Variants in SPSB4 observed in about 807,000 individuals in gnomAD.
SPSB4 encodes SPRY domain-containing SOCS box protein 4.
SPSB4 carries 21 observed loss-of-function variants against 20.9 expected under a neutral mutation model. The ratio of observed to expected loss-of-function variants is 1.01; its 90% CI spans 0.71 to 1.45. The LOEUF (loss-of-function observed/expected upper bound fraction) is 1.45, where lower values mean the gene tolerates loss of function less well. Ranked by LOEUF, SPSB4 falls within the 40% of genes most tolerant of loss-of-function variation. SPSB4 has a pLI of 0.00. For synonymous variants in SPSB4, 207 were observed against 183.8 expected (o/e 1.13, Z -1.02); for missense variants, 399 against 399.2 (o/e 1.00, Z 0.00).
chr3:141,148,508 A>C lies in SPSB4; in HGVS notation c.*1239A>C, dbSNP rs1052929920. On this transcript the variant is annotated 3_prime_UTR_variant, in exon 3 of 3. Coordinates refer to ENST00000310546, the MANE Select transcript of SPSB4 (RefSeq NM_080862.3). This position sits in a 1 kb window ranked among gnomAD's most constrained non-coding sequence, Gnocchi z 4.5. The stretch of plus-strand genomic sequence containing the variant: ...CACAGCAGTGGGATATCAGAGCCCC[A>C]GACAGCACTGCCTCTTCCTCCCCAC... 9.8e-5 allele frequency: 15 copies of C among 152,726 alleles called. No individual in the cohort carries two copies. The highest frequency in any genetic ancestry group is 3.6e-4 in the African/African-American group (15 of 41,456). The allele number at this position is 152,726 out of a possible 1,614,324, so 9.5% of individuals were successfully genotyped here. A position where few individuals can be genotyped will look rare whatever the true frequency, so the allele number is the denominator to read the frequency against.
chr3:141,073,631 T>TAGC (rs1938048483), intron 2 of SPSB4, among the ~76,000 whole-genome samples: 1 of 152,216 alleles, frequency 6.6e-6, no homozygotes, highest in African/African-American at 2.4e-5. Context: ...AACCACCCTA[T>TAGC]AGCAGCCCTT....
At chr3:141,072,870 T>A (rs1349246236) in intron 2 of SPSB4, among the ~76,000 whole-genome samples, 1 of 152,176 alleles carries the variant, frequency 6.6e-6, no homozygotes, top group African/African-American at 2.4e-5. Context: ...CCAGAGACAT[T>A]TGTGACAGAT....
At chr3:141,132,591 G>A (rs1271252963) in intron 2 of SPSB4, among the ~76,000 whole-genome samples, 2 of 151,954 alleles carry the variant, frequency 1.3e-5, no homozygotes, top group African/African-American at 4.8e-5. Flanking sequence ...CTTCATCCAG[G>A]TTGCTGTGAA....
chr3:141,098,253 GT>G lies in SPSB4; in HGVS notation c.694+31458del, dbSNP rs145045080. Among the ~76,000 whole-genome samples the G allele has an allele frequency of 1.2e-3, 178 of 152,124 alleles. 3 individuals are homozygous for G. The highest frequency in any genetic ancestry group is 4.2e-3 in the African/African-American group (174 of 41,502). The stretch of plus-strand genomic sequence containing the variant: ...ACTCCTCTTTGTTTTAGATGTTTCT[GT>G]TTCGTCTTTTGTGTTTGTTTTTTTG... On this transcript the variant is annotated intron_variant, in intron 2 of 2. Coordinates refer to ENST00000310546, the MANE Select transcript of SPSB4 (RefSeq NM_080862.3).
chr3:141,103,830 CT>C (rs398062861), intron 2 of SPSB4, among the ~76,000 whole-genome samples: 2,691 of 143,938 alleles, frequency 0.019, 61 homozygotes, highest in African/African-American at 0.056. Flanking sequence ...CAAAAATGAC[CT>C]TTTTTTTTTT....
rs60396514 is a variant in SPSB4 at position 141,112,644 on chromosome 3, C to CAAAAAAAAAA, written c.695-34482_695-34473dup. Among the ~76,000 whole-genome samples the CAAAAAAAAAA allele has an allele frequency of 3.0e-3, 98 of 32,870 alleles. 4 individuals carry two copies. The highest frequency in any genetic ancestry group is 8.7e-3 in the African/African-American group (75 of 8,660). 21.6% of individuals were successfully genotyped at this position (32,870 alleles called of 152,430 possible). Reference sequence around the variant, plus strand: ...TGGGCGACAGAGCGAGACTCCGTCTCAAAAAAAAAAAAAAAAAAAAAAAAA... The same window carrying CAAAAAAAAAA: ...TGGGCGACAGAGCGAGACTCCGTCTCAAAAAAAAAAAAAAAAAAAAAAAAAAAAAAAAAAA... On this transcript the variant is annotated intron_variant, in intron 2 of 2. Transcript: ENST00000310546.
intron 2 of SPSB4, among the ~76,000 whole-genome samples, chr3:141,122,784 C>G (rs1000235492): frequency 1.3e-5 from 2 of 152,236 alleles, no homozygotes; most frequent in African/African-American, 4.8e-5. Context: ...CTGCCTGTTG[C>G]AAAGACTGTG....
chr3:141,051,583 G>C lies in SPSB4; in HGVS notation c.-563G>C, dbSNP rs1481701558. 1 of 147,072 alleles carries C rather than the reference G, an allele frequency of 6.8e-6. No individual in the cohort carries two copies. The highest frequency in any genetic ancestry group is 2.5e-5 in the African/African-American group (1 of 40,384). 9.1% of individuals were successfully genotyped at this position (147,072 alleles called of 1,614,324 possible). Reference sequence around the variant, plus strand: ...GCTCAGGGCGCTGGGGAAGACGCCCGGCGCGCCGGGGGCCAGCGGCCGAGG... The same window carrying C: ...GCTCAGGGCGCTGGGGAAGACGCCCCGCGCGCCGGGGGCCAGCGGCCGAGG... On this transcript the variant is annotated 5_prime_UTR_variant, in exon 1 of 3. Transcript: ENST00000310546.
Position 141,066,597 on chromosome 3 carries a change from C to G in SPSB4, c.493C>G (p.Leu165Val). 1 of 1,578,360 alleles carries G rather than the reference C, an allele frequency of 6.3e-7. No individual in the cohort carries two copies. The highest frequency in any genetic ancestry group is 8.6e-7 in the Non-Finnish European group (1 of 1,162,546). ...GCCCGGCGTGGCCTACCCGGCCTTT[C>G]TGGGGCCCGACGAGGCCTTTGCGCT... ...NQPGVAYPAF[L>V]GPDEAFALPD... The change falls in exon 2 of 3, where the codon CTG becomes GTG. Residue 165 changes from leucine (L) to valine (V), a missense_variant. Coordinates refer to ENST00000310546, the MANE Select transcript of SPSB4 (RefSeq NM_080862.3).
intron 2 of SPSB4, among the ~76,000 whole-genome samples, chr3:141,069,689 G>A (rs1485799352): frequency 6.6e-6 from 1 of 152,136 alleles, no homozygotes; most frequent in Non-Finnish European, 1.5e-5. Flanking sequence ...TCCTCTTTCT[G>A]AACTTCAGTG....
intron 1 of SPSB4, among the ~76,000 whole-genome samples, chr3:141,053,157 A>G (rs2107772587): frequency 6.6e-6 from 1 of 151,854 alleles, no homozygotes; most frequent in East Asian, 2.0e-4. Flanking sequence ...GGGGATGAAG[A>G]TAGGAGTTCC....
At chr3:141,117,791 A>G (rs1256713112) in intron 2 of SPSB4, among the ~76,000 whole-genome samples, 4 of 152,214 alleles carry the variant, frequency 2.6e-5, no homozygotes, top group Admixed American at 2.6e-4. Context: ...GCTGAGAATG[A>G]TAGTTTCCCA....
At chr3:141,140,251 G>C (rs1240340169) in intron 2 of SPSB4, among the ~76,000 whole-genome samples, 2 of 151,996 alleles carry the variant, frequency 1.3e-5, no homozygotes, top group East Asian at 3.9e-4. Flanking sequence ...TTTTTTCAAA[G>C]TTTTTAACTT....
chr3:141,099,377 G>A (rs1233957857), intron 2 of SPSB4, among the ~76,000 whole-genome samples: 1 of 151,986 alleles, frequency 6.6e-6, no homozygotes, highest in Non-Finnish European at 1.5e-5. Flanking sequence ...GACTTTTAAT[G>A]ACTAAATAAT....
chr3:141,061,115 A>G (rs548445514), intron 1 of SPSB4, among the ~76,000 whole-genome samples: 3 of 152,254 alleles, frequency 2.0e-5, no homozygotes, highest in African/African-American at 7.2e-5. Context: ...TTAAATGATT[A>G]TATGGTTTAT....
rs550879911 is a variant in SPSB4 at position 141,067,257 on chromosome 3, A to G, written c.694+459A>G. 9.2e-5 allele frequency among the ~76,000 whole-genome samples: 14 copies of G among 152,350 alleles called. No individual in the cohort carries two copies. In the South Asian group the frequency reaches 2.9e-3, roughly 32 times the overall value. On this transcript the variant is annotated intron_variant, in intron 2 of 2. Coordinates refer to ENST00000310546, the MANE Select transcript of SPSB4 (RefSeq NM_080862.3). ...TAAATGCCATGTACTCAAGTTATTG[A>G]TAAGTAATAAGTACTGATAACCGTC...
At chr3:141,132,399 C>T (rs907914427) in intron 2 of SPSB4, 33 of 221,408 alleles carry the variant, frequency 1.5e-4, no homozygotes, top group Admixed American at 1.1e-3. Context: ...AACTCCTGAC[C>T]TCGTGATCCA....
intron 2 of SPSB4, among the ~76,000 whole-genome samples, chr3:141,118,948 G>C (rs1279819862): frequency 1.3e-5 from 2 of 152,148 alleles, no homozygotes; most frequent in Non-Finnish European, 2.9e-5. Context: ...TGTTCTTTTT[G>C]CTTAGGATTG....
At chr3:141,110,194 C>T (rs1938773580) in intron 2 of SPSB4, among the ~76,000 whole-genome samples, 1 of 152,206 alleles carries the variant, frequency 6.6e-6, no homozygotes, top group Admixed American at 6.5e-5. Context: ...CCCAACCTCC[C>T]ACCACCTCTT....
Sources: gnomAD v4.1 joint callset for allele counts (sites outside exome capture counted in the v4.1 genomes callset) on GRCh38, gnomAD v4.1.1 for gene constraint, Gnocchi (gnomAD v3.1) non-coding constraint, MANE v1.5 for transcripts, NCBI Gene and HGNC (gene_info 2026-07-23, HGNC 2026-07-21) for gene names.